LRRC4C: variants seen among roughly 807,000 people sequenced by gnomAD.
The protein encoded by LRRC4C is leucine rich repeat containing 4C, also known as leucine-rich repeat-containing protein 4C.
A neutral mutation model predicts 33.6 loss-of-function variants in LRRC4C; 5 were observed. The ratio of observed to expected loss-of-function variants is 0.15; its 90% CI spans 0.08 to 0.31. The LOEUF is 0.31. Among genes scored for constraint, LRRC4C ranks in the 10% least tolerant of loss-of-function variants. LRRC4C has a pLI of 1.00. For synonymous variants in LRRC4C, 329 were observed against 302.0 expected (o/e 1.09, Z -0.93); for missense variants, 560 against 796.7 (o/e 0.70, Z 3.58).
At chr11:41,327,132 C>T (rs775646003) in intron 1 of LRRC4C, among the ~76,000 whole-genome samples, 1 of 152,140 alleles carries the variant, frequency 6.6e-6, no homozygotes, top group Non-Finnish European at 1.5e-5. Flanking sequence ...CCCATTCTCT[C>T]TCTTTATATT....
At chr11:40,752,087 T>C (rs529546960) in intron 2 of LRRC4C, among the ~76,000 whole-genome samples, 26 of 152,130 alleles carry the variant, frequency 1.7e-4, no homozygotes, top group Admixed American at 7.2e-4. Flanking sequence ...TCTCACCATA[T>C]ACAAAAATCA....
At chr11:41,155,603 G>T (rs12577510) in intron 1 of LRRC4C, among the ~76,000 whole-genome samples, 1 of 151,984 alleles carries the variant, frequency 6.6e-6, no homozygotes, top group Non-Finnish European at 1.5e-5. Context: ...GTAACATGGG[G>T]CATAGCCAGT....
intron 5 of LRRC4C, among the ~76,000 whole-genome samples, chr11:40,225,995 T>C (rs781467836): frequency 1.3e-5 from 2 of 152,208 alleles, no homozygotes; most frequent in African/African-American, 4.8e-5. Flanking sequence ...AGAGACTACA[T>C]AGATATGTGA....
intron 2 of LRRC4C, among the ~76,000 whole-genome samples, chr11:40,830,843 C>T (rs1011127670): frequency 6.6e-6 from 1 of 152,052 alleles, no homozygotes; most frequent in Non-Finnish European, 1.5e-5. Context: ...CTGTCAGGCC[C>T]TGAATTGATC....
intron 1 of LRRC4C, among the ~76,000 whole-genome samples, chr11:41,114,770 G>T (rs1339093303): frequency 6.6e-6 from 1 of 152,054 alleles, no homozygotes; most frequent in Non-Finnish European, 1.5e-5. Context: ...TTAAAACTTA[G>T]TTCAGCTACG....
intron 1 of LRRC4C, among the ~76,000 whole-genome samples, chr11:41,113,764 TTTA>T (rs1941971572): frequency 6.6e-6 from 1 of 152,072 alleles, no homozygotes; most frequent in South Asian, 2.1e-4. Flanking sequence ...TGCACTAAGA[TTTA>T]TACCTTATTG....
intron 1 of LRRC4C, among the ~76,000 whole-genome samples, chr11:41,000,342 T>C (rs1042201858): frequency 1.3e-5 from 2 of 152,176 alleles, no homozygotes; most frequent in African/African-American, 2.4e-5. Context: ...TTATAATCCA[T>C]GTTTAATTAT....
chr11:41,075,665 C>T (rs1443480155), intron 1 of LRRC4C, among the ~76,000 whole-genome samples: 1 of 152,262 alleles, frequency 6.6e-6, no homozygotes. Flanking sequence ...TTCACATCTC[C>T]TAATCAACAT....
chr11:41,385,022 T>G (rs1486788596), intron 1 of LRRC4C, among the ~76,000 whole-genome samples: 1 of 150,802 alleles, frequency 6.6e-6, no homozygotes, highest in Non-Finnish European at 1.5e-5. Flanking sequence ...GAGCTAAATA[T>G]AGTCAGTATA....
At chr11:40,550,791 C>T in intron 3 of LRRC4C, among the ~76,000 whole-genome samples, 1 of 140,278 alleles carries the variant, frequency 7.1e-6, no homozygotes, top group South Asian at 2.2e-4. Context: ...GCTGAGGGAA[C>T]CTCTAAATTT....
intron 1 of LRRC4C, among the ~76,000 whole-genome samples, chr11:41,372,985 C>A (rs990316344): frequency 6.6e-6 from 1 of 152,072 alleles, no homozygotes; most frequent in African/African-American, 2.4e-5. Flanking sequence ...ATTTAAAAAT[C>A]TAGAGAAAGA....
intron 1 of LRRC4C, among the ~76,000 whole-genome samples, chr11:41,275,524 T>C (rs1041415628): frequency 2.6e-5 from 4 of 152,200 alleles, no homozygotes; most frequent in Non-Finnish European, 5.9e-5. Context: ...TTAATTACCC[T>C]GCCTTGCTCA....
chr11:41,375,502 T>A (rs1952905015), intron 1 of LRRC4C, among the ~76,000 whole-genome samples: 1 of 152,140 alleles, frequency 6.6e-6, no homozygotes, highest in Non-Finnish European at 1.5e-5. Flanking sequence ...ATCAGGAGAA[T>A]CATTTGCTAT....
At chr11:40,750,904 C>A (rs1202259214) in intron 2 of LRRC4C, among the ~76,000 whole-genome samples, 1 of 151,474 alleles carries the variant, frequency 6.6e-6, no homozygotes, top group African/African-American at 2.4e-5. Context: ...TACAGCACAT[C>A]GAAAAGATGA....
chr11:40,197,086 G>A (rs573888627), intron 5 of LRRC4C, among the ~76,000 whole-genome samples: 98 of 152,274 alleles, frequency 6.4e-4, no homozygotes, highest in African/African-American at 2.2e-3. Flanking sequence ...TCCAGAACCC[G>A]ATACTCTTTT....
At chr11:40,583,108 T>C (rs1245613846) in intron 3 of LRRC4C, among the ~76,000 whole-genome samples, 3 of 152,166 alleles carry the variant, frequency 2.0e-5, no homozygotes, top group Non-Finnish European at 4.4e-5. Context: ...CTCTCTTCAT[T>C]CTCTTTTTTA....
intron 1 of LRRC4C, among the ~76,000 whole-genome samples, chr11:41,278,891 G>A (rs1656184742): frequency 6.6e-6 from 1 of 152,132 alleles, no homozygotes; most frequent in Non-Finnish European, 1.5e-5. Flanking sequence ...TAAATTACAT[G>A]TGACTGACTT....
intron 1 of LRRC4C, among the ~76,000 whole-genome samples, chr11:41,279,428 A>ACACACACACACACACC (rs58139193): frequency 7.1e-6 from 1 of 140,788 alleles, no homozygotes; most frequent in African/African-American, 2.7e-5. Context: ...ACACACACAC[A>ACACACACACACACACC]CCGTGGCAAT....
In LRRC4C at chr11:40,434,834, C is replaced by T. The variant is rs78877366; in HGVS notation, c.-269-115113G>A. 3.6e-3 allele frequency among the ~76,000 whole-genome samples: 549 copies of T among 152,008 alleles called. 14 individuals carry two copies. The East Asian group carries it at 0.056, about 15-fold the overall frequency. ...TGAGAAAATAAATGTTTTATTTTGC[C>T]TGAGTTTTAAGGATTTCAAGAAGGG... On this transcript the variant is annotated intron_variant, in intron 3 of 6. Transcript: ENST00000528697.
Sources: allele counts gnomAD v4.1 joint callset (sites outside exome capture counted in the v4.1 genomes callset), GRCh38; gene constraint gnomAD v4.1.1; transcripts MANE v1.5; gene names NCBI Gene and HGNC (gene_info 2026-07-23, HGNC 2026-07-21).